FAM81A: variants seen among roughly 807,000 people sequenced by gnomAD.
The protein encoded by FAM81A is protein FAM81A.
FAM81A carries 19 observed loss-of-function variants against 46.7 expected under a neutral mutation model. The ratio of observed to expected loss-of-function variants is 0.41; its 90% CI spans 0.28 to 0.60. The LOEUF is 0.60. Ranked by LOEUF, FAM81A falls within the 20% of genes least tolerant of loss-of-function variation. The probability of loss-of-function intolerance (pLI) is 0.34; values close to 1 mark genes in which losing one functional copy is unlikely to be tolerated. For missense variants in FAM81A, 377 were observed against 453.5 expected (o/e 0.83, Z 1.53); for synonymous variants, 183 against 152.9 (o/e 1.20, Z -1.45).
At chr15:59,488,247 A>G (rs747614270) in intron 3 of FAM81A, among the ~76,000 whole-genome samples, 3 of 152,174 alleles carry the variant, frequency 2.0e-5, no homozygotes, top group Non-Finnish European at 2.9e-5. Context: ...CCCTCAAAAA[A>G]CTAGGTATAC....
chr15:59,434,257 T>G (rs1289085046), upstream of FAM81A, among the ~76,000 whole-genome samples: 1 of 152,234 alleles, frequency 6.6e-6, no homozygotes, highest in Non-Finnish European at 1.5e-5. Context: ...TGTGCTCTCC[T>G]TGTCTGCAGC....
intron 4 of FAM81A, among the ~76,000 whole-genome samples, chr15:59,501,476 TATAATAATTATGTATA>T (rs2082090223): frequency 1.3e-5 from 2 of 152,006 alleles, no homozygotes; most frequent in Admixed American, 1.3e-4. Flanking sequence ...TACATATATA[TATAATAATTATGTATA>T]TATACAAAAA....
intron 3 of FAM81A, among the ~76,000 whole-genome samples, chr15:59,488,531 C>T (rs759399665): frequency 5.9e-5 from 9 of 152,252 alleles, no homozygotes; most frequent in African/African-American, 9.6e-5. Flanking sequence ...CTAAAGACTC[C>T]ACCAAAAAAC....
intron 1 of FAM81A, among the ~76,000 whole-genome samples, chr15:59,445,942 C>G (rs1488343341): frequency 6.6e-6 from 1 of 152,170 alleles, no homozygotes; most frequent in Non-Finnish European, 1.5e-5. Flanking sequence ...TGTGAGTGCC[C>G]GGGCCCACTG....
chr15:59,421,138 T>G (rs2081169120), intron 2 of FAM81A, among the ~76,000 whole-genome samples: 1 of 152,196 alleles, frequency 6.6e-6, no homozygotes, highest in African/African-American at 2.4e-5. Flanking sequence ...AAATGCAGAT[T>G]CTGATCCTGT....
upstream of FAM81A, among the ~76,000 whole-genome samples, chr15:59,437,609 G>C (rs1252208082): frequency 1.6e-4 from 24 of 152,194 alleles, no homozygotes; most frequent in Non-Finnish European, 4.4e-5. Context: ...AGGCGATTCA[G>C]TAAATGACAC....
chr15:59,451,148 C>G (rs2081413985), intron 1 of FAM81A, among the ~76,000 whole-genome samples: 1 of 152,148 alleles, frequency 6.6e-6, no homozygotes, highest in Non-Finnish European at 1.5e-5. Flanking sequence ...CAGAGATTAT[C>G]AGGGGGCTGA....
At chr15:59,463,095 T>C (rs1472676089) in intron 3 of FAM81A, among the ~76,000 whole-genome samples, 1 of 152,230 alleles carries the variant, frequency 6.6e-6, no homozygotes, top group South Asian at 2.1e-4. Context: ...TGCTTATTAA[T>C]TCAAGGTCAC....
chr15:59,512,127 G>A (rs2082216895), intron 6 of FAM81A, among the ~76,000 whole-genome samples: 1 of 152,140 alleles, frequency 6.6e-6, no homozygotes, highest in South Asian at 2.1e-4. Context: ...CATATGTTGA[G>A]TGAAAAATGA....
intron 1 of FAM81A, among the ~76,000 whole-genome samples, chr15:59,399,101 G>A (rs4774329): frequency 0.49 from 75,117 of 151,956 alleles, 19,297 homozygotes; most frequent in Non-Finnish European, 0.57. Flanking sequence ...CCTGGGAGGC[G>A]GAGGTTATGG....
At chr15:59,476,614 C>T (rs184892889) in intron 3 of FAM81A, among the ~76,000 whole-genome samples, 4 of 152,100 alleles carry the variant, frequency 2.6e-5, no homozygotes, top group Admixed American at 2.6e-4. Flanking sequence ...GATGAAACCC[C>T]ATCTCTCCTA....
At chr15:59,498,829 A>G (rs977405771) in intron 4 of FAM81A, among the ~76,000 whole-genome samples, 6 of 151,854 alleles carry the variant, frequency 4.0e-5, no homozygotes, top group African/African-American at 1.5e-4. Context: ...TAATTTTTGT[A>G]TTTCTGTTAG....
intron 2 of FAM81A, among the ~76,000 whole-genome samples, chr15:59,425,383 A>G (rs1465292293): frequency 3.9e-5 from 6 of 152,200 alleles, no homozygotes; most frequent in African/African-American, 1.4e-4. Context: ...TTTCATTACC[A>G]TTCATGTAAT....
At chr15:59,462,648 A>G (rs572910487) in intron 3 of FAM81A, among the ~76,000 whole-genome samples, 3 of 152,142 alleles carry the variant, frequency 2.0e-5, no homozygotes, top group South Asian at 2.1e-4. Flanking sequence ...CTTTGTTCCC[A>G]TTAAAAAGTA....
At chr15:59,400,580 A>C (rs1385819257) in intron 1 of FAM81A, among the ~76,000 whole-genome samples, 1 of 152,110 alleles carries the variant, frequency 6.6e-6, no homozygotes, top group Non-Finnish European at 1.5e-5. Context: ...ACACAGCTCT[A>C]ATCACTCAGG....
intron 4 of FAM81A, among the ~76,000 whole-genome samples, chr15:59,494,312 T>A (rs1364843669): frequency 6.6e-6 from 1 of 152,134 alleles, no homozygotes; most frequent in Non-Finnish European, 1.5e-5. Context: ...AGGAGGACTC[T>A]GAGGATCTTC....
At chr15:59,451,265 A>G (rs1372747163) in intron 1 of FAM81A, among the ~76,000 whole-genome samples, 2 of 151,764 alleles carry the variant, frequency 1.3e-5, no homozygotes, top group African/African-American at 4.8e-5. Flanking sequence ...ATTCCTGTGT[A>G]CTCTCCTTTT....
chr15:59,484,078 A>G (rs1025798669), intron 3 of FAM81A, among the ~76,000 whole-genome samples: 2 of 152,108 alleles, frequency 1.3e-5, no homozygotes, highest in African/African-American at 4.8e-5. Flanking sequence ...TACTTAAGGC[A>G]CTCCAGTGAG....
intron 2 of FAM81A, among the ~76,000 whole-genome samples, chr15:59,430,985 T>C (rs1194845772): frequency 6.6e-6 from 1 of 152,216 alleles, no homozygotes; most frequent in Non-Finnish European, 1.5e-5. Flanking sequence ...TAAATAAATG[T>C]GTATGTTAAA....
Sources: gnomAD v4.1 joint callset for allele counts (sites outside exome capture counted in the v4.1 genomes callset) on GRCh38, gnomAD v4.1.1 for gene constraint, MANE v1.5 for transcripts, NCBI Gene and HGNC (gene_info 2026-07-23, HGNC 2026-07-21) for gene names.